Variants in CENPC observed in about 807,000 individuals in gnomAD.
The protein encoded by CENPC is CENP-C 1.
A neutral mutation model predicts 112.1 loss-of-function variants in CENPC; 63 were observed. The ratio of observed to expected loss-of-function variants is 0.56; its 90% CI spans 0.46 to 0.69. The LOEUF (loss-of-function observed/expected upper bound fraction) is 0.69. Ranked by LOEUF, CENPC falls within the 30% of genes least tolerant of loss-of-function variation. The probability of loss-of-function intolerance (pLI) is 0.00; values close to 1 mark genes in which losing one functional copy is unlikely to be tolerated. For missense variants in CENPC, 1,000 were observed against 1,103.8 expected, an observed-to-expected ratio of 0.91 and a Z score of 1.33; for synonymous variants, 333 against 367.6, an observed-to-expected ratio of 0.91 and a Z score of 1.08.
At chr4:67,490,212 C>A (rs1051670901) in intron 16 of CENPC, 91 bp from the exon 17 acceptor site, 2 of 875,258 alleles carry the variant, frequency 2.3e-6, no homozygotes, top group Admixed American at 7.6e-5. Flanking sequence ...AGAGTCATTT[C>A]TGGATATAAA....
intron 17 of CENPC, among the ~76,000 whole-genome samples, chr4:67,489,398 A>G (rs1424662695): frequency 1.0e-5 from 1 of 96,512 alleles, no homozygotes; most frequent in Non-Finnish European, 2.2e-5. Flanking sequence ...TTTAGCACTT[A>G]CTGAAGCAAC....
intron 17 of CENPC, among the ~76,000 whole-genome samples, chr4:67,485,288 A>G (rs1448055718): frequency 6.6e-6 from 1 of 152,220 alleles, no homozygotes; most frequent in Non-Finnish European, 1.5e-5. Flanking sequence ...AAATCTCTCA[A>G]TCATGCTGGC....
At chr4:67,514,818 A>C in intron 7 of CENPC, 131 bp from the exon 8 acceptor site, 1 of 863,532 alleles carries the variant, frequency 1.2e-6, no homozygotes, top group African/African-American at 1.7e-5. Context: ...ATTTTCCCTT[A>C]ATCTTACAAA....
intron 16 of CENPC, among the ~76,000 whole-genome samples, chr4:67,490,837 A>AATATATAT (rs57498869): frequency 3.3e-4 from 19 of 57,076 alleles, no homozygotes; most frequent in African/African-American, 1.1e-3. Flanking sequence ...TATAGAAATA[A>AATATATAT]ATATATATAT....
chr4:67,525,557 CAT>C (rs1421989225), intron 5 of CENPC, among the ~76,000 whole-genome samples: 2 of 151,986 alleles, frequency 1.3e-5, no homozygotes, highest in African/African-American at 4.8e-5. Context: ...AGCCAACAAA[CAT>C]AATTAAAAAA....
intron 4 of CENPC, among the ~76,000 whole-genome samples, chr4:67,534,635 C>T (rs147931704): frequency 3.9e-5 from 6 of 152,174 alleles, no homozygotes; most frequent in Admixed American, 2.6e-4. Context: ...AGACTTGAAC[C>T]GCCAAGCGGG....
intron 5 of CENPC, among the ~76,000 whole-genome samples, chr4:67,524,078 C>G (rs1383788457): frequency 3.3e-5 from 5 of 151,536 alleles, no homozygotes; most frequent in Non-Finnish European, 5.9e-5. Context: ...ATCAATAAAA[C>G]TGAAAATAGA....
chr4:67,511,316 C>T (rs1725886132), intron 9 of CENPC, among the ~76,000 whole-genome samples: 1 of 152,256 alleles, frequency 6.6e-6, no homozygotes, highest in Admixed American at 6.5e-5. Flanking sequence ...CTCACATATA[C>T]AATGCCATAG....
chr4:67,505,349 T>G, intron 11 of CENPC, 65 bp from the exon 12 acceptor site: 1 of 932,624 alleles, frequency 1.1e-6, no homozygotes, highest in Non-Finnish European at 1.6e-6. Context: ...TGTATTTGCC[T>G]TAATGATCAT....
chr4:67,486,075 C>T (rs1725085969), intron 17 of CENPC, among the ~76,000 whole-genome samples: 1 of 152,030 alleles, frequency 6.6e-6, no homozygotes, highest in Non-Finnish European at 1.5e-5. Context: ...ATCAAAAAGA[C>T]AAAAAAGTAA....
chr4:67,475,974 T>C (rs1724794315), intron 17 of CENPC, among the ~76,000 whole-genome samples: 1 of 152,192 alleles, frequency 6.6e-6, no homozygotes, highest in Admixed American at 6.5e-5. Flanking sequence ...TACATGATAG[T>C]GGTCCTATAA....
chr4:67,492,908 AT>A lies in CENPC; in HGVS notation c.2379del (p.Lys793AsnfsTer18). 1 of 1,569,578 alleles carries A rather than the reference AT, an allele frequency of 6.4e-7. No homozygotes were observed. The highest frequency in any genetic ancestry group is 8.7e-7 in the Non-Finnish European group (1 of 1,153,776). On this transcript the variant is annotated frameshift_variant, in exon 15 of 19. Coordinates refer to ENST00000273853, the MANE Select transcript of CENPC (RefSeq NM_001812.4). LOFTEE classifies it high-confidence loss of function. ...TCAAGACAGATCCTTTTCTTATTAG[AT>A]TTTTTGTTGACTTTTCCAATATTTT... ...AKENIGKVNK[K>X]SNKKRICLDN...
chr4:67,530,785 G>T, intron 5 of CENPC, 30 bp downstream of exon 5: 1 of 1,143,300 alleles, frequency 8.7e-7, no homozygotes, highest in East Asian at 2.6e-5. Flanking sequence ...ATATATCCAA[G>T]CAAATAATGC....
In CENPC at chr4:67,490,057, C is replaced by T; in HGVS notation, c.2580G>A (p.Lys860=). 1.2e-6 allele frequency: 2 copies of T among 1,609,262 alleles called. No homozygotes were observed. Among genetic ancestry groups the T allele is most frequent in the Admixed American group, 1.7e-5 (1 of 59,610 alleles). The stretch of plus-strand genomic sequence containing the variant: ...TAGAAAAAAAGGGTGTATCCAATGT[C>T]TTGTATACCTTCAACTCACCATGCT... The part of the protein sequence containing the change: ...FVKHGELKVY[K]TLDTPFFSTG... The change falls in exon 17 of 19, where the codon AAG becomes AAA. Residue 860 remains lysine, a synonymous_variant. Transcript: ENST00000273853.
chr4:67,490,785 C>T (rs1300416845), intron 16 of CENPC, among the ~76,000 whole-genome samples: 1 of 143,806 alleles, frequency 7.0e-6, no homozygotes. Flanking sequence ...ATTCTGTTTC[C>T]CAGGATATTT....
chr4:67,493,829 G>A (rs1399153157), intron 14 of CENPC, 55 bp downstream of exon 14: 2 of 1,112,292 alleles, frequency 1.8e-6, no homozygotes, highest in Admixed American at 1.9e-5. Context: ...GCAGTGTCTG[G>A]CACATAGTAA....
chr4:67,498,594 T>G (rs1725505125), intron 12 of CENPC, among the ~76,000 whole-genome samples: 2 of 152,188 alleles, frequency 1.3e-5, no homozygotes, highest in Admixed American at 6.5e-5. Flanking sequence ...AAGAAATCAG[T>G]TCCTTCGTTC....
intron 11 of CENPC, 29 bp downstream of exon 11, chr4:67,506,759 C>A: frequency 6.6e-7 from 1 of 1,519,216 alleles, no homozygotes; most frequent in Non-Finnish European, 8.8e-7. Context: ...CTAATATATA[C>A]AACTATTATC....
intron 12 of CENPC, among the ~76,000 whole-genome samples, chr4:67,501,916 G>A (rs1247072921): frequency 7.4e-6 from 1 of 135,000 alleles, no homozygotes; most frequent in Non-Finnish European, 1.6e-5. Context: ...CTCTGTATAA[G>A]ACTGAAATTA....
Sources: allele counts gnomAD v4.1 joint callset (sites outside exome capture counted in the v4.1 genomes callset), GRCh38; gene constraint gnomAD v4.1.1; transcripts MANE v1.5; gene names NCBI Gene and HGNC (gene_info 2026-07-23, HGNC 2026-07-21).